PTPRT: variants seen among roughly 807,000 people sequenced by gnomAD.
PTPRT encodes protein tyrosine phosphatase receptor type T, also known as receptor-type tyrosine-protein phosphatase T.
A neutral mutation model predicts 176.8 loss-of-function variants in PTPRT; 56 were observed. The observed-to-expected ratio is 0.32, with a 90% CI of 0.26 to 0.40. PTPRT has a LOEUF of 0.40. PTPRT is among the 10% of genes least tolerant of loss of function. The probability of loss-of-function intolerance (pLI) is 1.00; values close to 1 mark genes in which losing one functional copy is unlikely to be tolerated. For missense variants in PTPRT, 1,540 were observed against 1,908.2 expected (o/e 0.81, Z 3.60); for synonymous variants, 783 against 739.0 (o/e 1.06, Z -0.96).
Position 42,679,072 on chromosome 20 carries a change from G to A in PTPRT, c.860-913C>T, listed in dbSNP as rs184166083. Among the ~76,000 whole-genome samples, 370 of 152,286 alleles carry A rather than the reference G, an allele frequency of 2.4e-3. 5 individuals carry two copies. The highest frequency in any genetic ancestry group is 0.015 in the Admixed American group (222 of 15,296). On this transcript the variant is annotated intron_variant, in intron 6 of 30. Transcript: ENST00000373187. ...AAAGGAAAAGTTGTGCTGAGTTATC[G>A]TGCATCTACTCTGTGCTGCCACCTC...
intron 12 of PTPRT, among the ~76,000 whole-genome samples, chr20:42,289,739 T>G (rs1005728122): frequency 4.6e-5 from 7 of 152,082 alleles, no homozygotes; most frequent in African/African-American, 1.7e-4. Flanking sequence ...TGAGAAGTTT[T>G]TAACTTTCCT....
intron 13 of PTPRT, among the ~76,000 whole-genome samples, chr20:42,275,309 C>T (rs188847084): frequency 1.2e-4 from 19 of 152,340 alleles, no homozygotes; most frequent in Admixed American, 3.3e-4. Context: ...TAGCCTACCC[C>T]AAATGTGTTC....
chr20:42,409,267 G>A (rs1011280485), intron 9 of PTPRT, among the ~76,000 whole-genome samples: 1 of 151,990 alleles, frequency 6.6e-6, no homozygotes, highest in Non-Finnish European at 1.5e-5. Context: ...TGGATCATGA[G>A]GTCAGGAGTT....
At chr20:42,380,908 T>C (rs1469652633) in intron 9 of PTPRT, among the ~76,000 whole-genome samples, 1 of 152,188 alleles carries the variant, frequency 6.6e-6, no homozygotes, top group Non-Finnish European at 1.5e-5. Context: ...GGAAGCATGA[T>C]GTTGCCATCT....
chr20:42,434,662 GAAAA>G (rs10626020), intron 9 of PTPRT, among the ~76,000 whole-genome samples: 1 of 137,730 alleles, frequency 7.3e-6, no homozygotes, highest in African/African-American at 2.7e-5. Context: ...ATCTTCATAA[GAAAA>G]AAAAAAAAAA....
intron 1 of PTPRT, among the ~76,000 whole-genome samples, chr20:42,964,212 C>A (rs1325085240): frequency 2.0e-5 from 3 of 152,078 alleles, no homozygotes; most frequent in African/African-American, 7.2e-5. Context: ...AAGAAATTGT[C>A]TCACAGACTG....
intron 7 of PTPRT, among the ~76,000 whole-genome samples, chr20:42,662,489 T>C (rs1356568413): frequency 6.6e-6 from 1 of 152,132 alleles, no homozygotes; most frequent in Non-Finnish European, 1.5e-5. Context: ...ACCTACCTCA[T>C]GGGGTTATAG....
chr20:43,091,690 A>G (rs1298784335), intron 1 of PTPRT, among the ~76,000 whole-genome samples: 1 of 152,166 alleles, frequency 6.6e-6, no homozygotes, highest in Non-Finnish European at 1.5e-5. Context: ...AAGGAATACA[A>G]GAATAAAAGA....
intron 1 of PTPRT, among the ~76,000 whole-genome samples, chr20:43,081,579 A>C (rs2011444357): frequency 6.6e-6 from 1 of 152,042 alleles, no homozygotes; most frequent in Non-Finnish European, 1.5e-5. Flanking sequence ...GGTTATTCTA[A>C]TCATTATTAT....
At chr20:42,809,616 G>A (rs543044652) in intron 2 of PTPRT, among the ~76,000 whole-genome samples, 2 of 152,294 alleles carry the variant, frequency 1.3e-5, no homozygotes. Context: ...GCAGGGCCGT[G>A]GGGGAAGTCT....
chr20:42,051,703 T>C, the PTPRT span, among the ~76,000 whole-genome samples: 2 of 152,134 alleles, frequency 1.3e-5, no homozygotes, highest in East Asian at 3.9e-4. Context: ...GAGATAATAT[T>C]CTCAATCACC....
chr20:42,807,959 C>A (rs2077636621), intron 2 of PTPRT, among the ~76,000 whole-genome samples: 1 of 152,210 alleles, frequency 6.6e-6, no homozygotes, highest in Non-Finnish European at 1.5e-5. Flanking sequence ...TCCCCAGCTG[C>A]CAGGGCACTT....
chr20:42,517,519 C>G (rs1482921966), intron 7 of PTPRT, among the ~76,000 whole-genome samples: 1 of 151,618 alleles, frequency 6.6e-6, no homozygotes, highest in Non-Finnish European at 1.5e-5. Context: ...CTGTTTCTAC[C>G]TTAATTATTT....
At chr20:42,987,201 C>G (rs1354472163) in intron 1 of PTPRT, among the ~76,000 whole-genome samples, 1 of 152,196 alleles carries the variant, frequency 6.6e-6, no homozygotes, top group African/African-American at 2.4e-5. Flanking sequence ...GGTGATACCA[C>G]TGCCCTGCCA....
intron 16 of PTPRT, among the ~76,000 whole-genome samples, chr20:42,163,128 C>T (rs6130064): frequency 6.6e-6 from 1 of 152,198 alleles, no homozygotes; most frequent in African/African-American, 2.4e-5. Flanking sequence ...CTGCCTCCAC[C>T]TACCAAGGGA....
At chr20:42,101,934 C>T (rs1195094631) in intron 26 of PTPRT, among the ~76,000 whole-genome samples, 190 bp downstream of exon 26, 1 of 152,140 alleles carries the variant, frequency 6.6e-6, no homozygotes, top group Non-Finnish European at 1.5e-5. Flanking sequence ...AGAAAAGGAG[C>T]CAAGAGCCCA....
At chr20:42,098,847 G>T (rs529795447) in intron 26 of PTPRT, among the ~76,000 whole-genome samples, 1 of 152,342 alleles carries the variant, frequency 6.6e-6, no homozygotes, top group African/African-American at 2.4e-5. Flanking sequence ...AATACGAAAT[G>T]AAAGATTTCA....
At chr20:42,998,303 G>T (rs1410357156) in intron 1 of PTPRT, among the ~76,000 whole-genome samples, 1 of 152,036 alleles carries the variant, frequency 6.6e-6, no homozygotes, top group Non-Finnish European at 1.5e-5. Flanking sequence ...TTGCCCCTGG[G>T]GAGACCACTG....
rs147997262 is a variant in PTPRT at position 42,661,913 on chromosome 20, G to A, written c.1153+15953C>T. 2.1e-4 allele frequency among the ~76,000 whole-genome samples: 32 copies of A among 152,304 alleles called. No homozygotes were observed. In the East Asian group the frequency reaches 3.7e-3, roughly 17 times the overall value. ...CTTCTCACTGCAGGGAGACCTCTGC[G>A]TTCCAGAATGGCCAGCAATGGACAG... is the stretch of plus-strand genomic sequence containing the variant. On this transcript the variant is annotated intron_variant, in intron 7 of 30. Coordinates refer to ENST00000373187, the MANE Select transcript of PTPRT (RefSeq NM_007050.6).
Sources: allele counts gnomAD v4.1 joint callset (sites outside exome capture counted in the v4.1 genomes callset), GRCh38; gene constraint gnomAD v4.1.1; transcripts MANE v1.5; gene names NCBI Gene and HGNC (gene_info 2026-07-23, HGNC 2026-07-21).